The following CNTNAP4 variants were observed in gnomAD, a reference collection of about 807,000 sequenced individuals.
The protein encoded by CNTNAP4 is contactin-associated protein-like 4.
Under a neutral mutation model 148.4 loss-of-function variants are expected in CNTNAP4, and 98 were observed. The ratio of observed to expected loss-of-function variants is 0.66; its 90% CI spans 0.56 to 0.78. The LOEUF (loss-of-function observed/expected upper bound fraction) is 0.78. Among genes scored for constraint, CNTNAP4 ranks in the 30% least tolerant of loss-of-function variants. CNTNAP4 has a pLI of 0.00. For missense variants in CNTNAP4, 1,935 were observed against 1,565.6 expected (o/e 1.24, Z -3.98); for synonymous variants, 730 against 565.1 (o/e 1.29, Z -4.14).
At chr16:76,484,653 A>G (rs534860753) in intron 12 of CNTNAP4, among the ~76,000 whole-genome samples, 1 of 152,296 alleles carries the variant, frequency 6.6e-6, no homozygotes, top group South Asian at 2.1e-4. Context: ...AAGGAAACCA[A>G]GGCTCAGGGA....
Position 76,470,482 on chromosome 16 carries a change from A to ATATATATAT in CNTNAP4, c.1655+2959_1655+2960insTATATATAT, listed in dbSNP as rs146482811. ...ATAGCAAAACCACGTCTCTACTAATAATATATATATATATAAAATTAGTCG... is the reference window on the plus strand; with the variant it reads ...ATAGCAAAACCACGTCTCTACTAATATATATATATATATATATATATATAAAATTAGTCG... On this transcript the variant is annotated intron_variant, in intron 10 of 23. Coordinates refer to ENST00000611870, the MANE Select transcript of CNTNAP4 (RefSeq NM_033401.5). 7.0e-3 allele frequency among the ~76,000 whole-genome samples: 677 copies of ATATATATAT among 96,968 alleles called. 96 individuals carry two copies. The highest frequency in any genetic ancestry group is 0.028 in the African/African-American group (598 of 21,124). 63.6% of individuals were successfully genotyped at this position (96,968 alleles called of 152,430 possible).
At chr16:76,364,032 T>C (rs961351673) in intron 3 of CNTNAP4, among the ~76,000 whole-genome samples, 2 of 150,946 alleles carry the variant, frequency 1.3e-5, no homozygotes, top group African/African-American at 2.4e-5. Context: ...AGCCCAGGAG[T>C]TTGAGACCAC....
chr16:76,554,581 CT>C (rs1194174387), intron 23 of CNTNAP4, among the ~76,000 whole-genome samples: 2 of 151,750 alleles, frequency 1.3e-5, no homozygotes, highest in East Asian at 1.9e-4. Flanking sequence ...AAAAAACAAG[CT>C]TTTTTTCTTC....
chr16:76,435,067 A>G (rs1302559392), intron 4 of CNTNAP4, among the ~76,000 whole-genome samples: 1 of 152,086 alleles, frequency 6.6e-6, no homozygotes, highest in Non-Finnish European at 1.5e-5. Context: ...TCCTCGGGGA[A>G]GGATAGGAGA....
intron 3 of CNTNAP4, among the ~76,000 whole-genome samples, chr16:76,421,311 T>C (rs1176666564): frequency 2.6e-5 from 4 of 152,108 alleles, no homozygotes; most frequent in Non-Finnish European, 5.9e-5. Context: ...CCATTCCCTT[T>C]AATTTTGCAA....
intron 3 of CNTNAP4, among the ~76,000 whole-genome samples, chr16:76,420,106 TTC>T (rs2079124499): frequency 8.7e-6 from 1 of 114,862 alleles, no homozygotes; most frequent in Non-Finnish European, 2.1e-5. Flanking sequence ...TTTGTCTTTT[TTC>T]TTGTGGTGCA....
At chr16:76,304,190 C>G (rs530917369) in intron 1 of CNTNAP4, among the ~76,000 whole-genome samples, 1 of 152,140 alleles carries the variant, frequency 6.6e-6, no homozygotes, top group South Asian at 2.1e-4. Context: ...ATAGGAAAGG[C>G]GATTTAAATA....
Position 76,553,435 on chromosome 16 carries a change from G to A in CNTNAP4, c.3595G>A (p.Glu1199Lys), listed in dbSNP as rs531434558. 2.7e-5 allele frequency: 43 copies of A among 1,612,662 alleles called. No individual in the cohort carries two copies. The East Asian group carries it at 6.7e-4, about 25-fold the overall frequency. ...DPVTVTGHVT[E>K]SSCMAQPGTD... is the part of the protein sequence containing the mutation. ...TGTCACTGTTACAGGACACGTGACT[G>A]AGTCCAGCTGTATGGCCCAGCCTGG... Residue 1199 changes from glutamate to lysine, a missense_variant, in exon 22 of 24, where the codon GAG becomes AAG. Transcript: ENST00000611870.
In CNTNAP4 at chr16:76,458,175, A is replaced by G. The variant is rs372520141; in HGVS notation, c.1334-3781A>G. ...ATATTCTGTGATGTATATGTGCCAC[A>G]TTTTCTTTATCCAACCCATCATTGA... On this transcript the variant is annotated intron_variant, in intron 8 of 23. Transcript: ENST00000611870. 2.0e-5 allele frequency among the ~76,000 whole-genome samples: 3 copies of G among 152,040 alleles called. No homozygotes were observed. The East Asian group carries it at 5.8e-4, about 29-fold the overall frequency.
At chr16:76,428,783 G>A (rs183799364) in intron 4 of CNTNAP4, among the ~76,000 whole-genome samples, 195 of 152,106 alleles carry the variant, frequency 1.3e-3, no homozygotes, top group African/African-American at 4.6e-3. Flanking sequence ...AATATTAATA[G>A]CATTCCTTTC....
chr16:76,436,165 T>C (rs2079818148), intron 4 of CNTNAP4, among the ~76,000 whole-genome samples: 1 of 152,018 alleles, frequency 6.6e-6, no homozygotes, highest in African/African-American at 2.4e-5. Flanking sequence ...ATCACTGTTG[T>C]CTCAGGCAGC....
intron 4 of CNTNAP4, among the ~76,000 whole-genome samples, chr16:76,445,801 T>C (rs2080217042): frequency 6.6e-6 from 1 of 152,224 alleles, no homozygotes. Flanking sequence ...AAATCATTAC[T>C]GTCATAGTTG....
intron 23 of CNTNAP4, among the ~76,000 whole-genome samples, chr16:76,556,326 G>T (rs749592375): frequency 6.6e-6 from 1 of 152,010 alleles, no homozygotes; most frequent in Non-Finnish European, 1.5e-5. Context: ...CATAGAGGCT[G>T]GCCACATTTT....
intron 23 of CNTNAP4, chr16:76,557,523 A>G (rs1261529844): frequency 6.6e-6 from 1 of 152,172 alleles, no homozygotes; most frequent in Non-Finnish European, 1.5e-5. Flanking sequence ...AAGGGTCAAG[A>G]TTTAATTAAA....
intron 12 of CNTNAP4, among the ~76,000 whole-genome samples, chr16:76,484,351 A>G (rs533043384): frequency 6.6e-6 from 1 of 151,614 alleles, no homozygotes; most frequent in East Asian, 1.9e-4. Context: ...AGCAAGATTA[A>G]AAGTATTGAT....
At chr16:76,512,966 G>C (rs1000211967) in intron 15 of CNTNAP4, among the ~76,000 whole-genome samples, 2 of 152,164 alleles carry the variant, frequency 1.3e-5, no homozygotes, top group Admixed American at 6.5e-5. Context: ...GGTTTGTTTT[G>C]TCAAGTGTTT....
At chr16:76,497,604 C>T (rs1217220663) in intron 14 of CNTNAP4, among the ~76,000 whole-genome samples, 4 of 148,296 alleles carry the variant, frequency 2.7e-5, no homozygotes, top group Admixed American at 6.9e-5. Context: ...AACAGAAAAC[C>T]AAACACTGCA....
chr16:76,320,786 G>A (rs73620926), intron 2 of CNTNAP4, among the ~76,000 whole-genome samples: 5,999 of 152,162 alleles, frequency 0.039, 412 homozygotes, highest in African/African-American at 0.14. Flanking sequence ...TAATCTGAAC[G>A]TAAGTCTTTA....
chr16:76,480,101 A>G (rs1393434789), intron 12 of CNTNAP4, among the ~76,000 whole-genome samples: 1 of 152,124 alleles, frequency 6.6e-6, no homozygotes, highest in Non-Finnish European at 1.5e-5. Flanking sequence ...TCTCGTCACC[A>G]TTGTATTGGA....
Sources: gnomAD v4.1 joint callset for allele counts (sites outside exome capture counted in the v4.1 genomes callset) on GRCh38, gnomAD v4.1.1 for gene constraint, MANE v1.5 for transcripts, NCBI Gene and HGNC (gene_info 2026-07-23, HGNC 2026-07-21) for gene names.